Variants in COL7A1 observed in about 807,000 individuals in gnomAD.
COL7A1 encodes the protein collagen type VII alpha 1 chain.
In COL7A1, 296 loss-of-function variants were observed where a neutral mutation model predicts 456.2. The ratio of observed to expected loss-of-function variants is 0.65; its 90% CI spans 0.59 to 0.71. The LOEUF is 0.71. Among genes scored for constraint, COL7A1 ranks in the 30% least tolerant of loss-of-function variants. COL7A1 has a pLI of 0.00. For synonymous variants in COL7A1, 1,464 were observed against 1,525.9 expected, an observed-to-expected ratio of 0.96 and a Z score of 0.95; for missense variants, 3,441 against 4,017.2, an observed-to-expected ratio of 0.86 and a Z score of 3.88.
rs780853281 is a variant in COL7A1, at chr3:48,586,128, G to C, written c.3669C>G (p.Asp1223Glu). Residue 1223 changes from aspartate (D) to glutamate (E), a missense_variant, in exon 28 of 119, where the codon GAC becomes GAG. By Grantham distance (45) the Asp-to-Glu change is conservative. This residue lies in a region of COL7A1 where 2,084 missense variants were observed against 2,501.3 expected (regional missense o/e 0.83). Transcript: ENST00000681320. This position sits in a 1 kb window ranked among gnomAD's most constrained non-coding sequence, Gnocchi z 5.1. ...FFAVDDGPSL[D>E]QAVSGLATAL... is the part of the protein sequence containing the mutation. The stretch of plus-strand genomic sequence containing the variant: ...CTGTGGCCAGACCACTGACTGCCTG[G>C]TCCAGGCTTGGCCCATCATCCACGG... The C allele has an allele frequency of 6.2e-7, 1 of 1,613,508 alleles. No homozygotes were observed. Among genetic ancestry groups the C allele is most frequent in the East Asian group, 2.2e-5 (1 of 44,880 alleles).
Position 48,573,638 on chromosome 3 carries a change from C to G in COL7A1, c.6573+52G>C. The G allele has an allele frequency of 1.2e-6, 2 of 1,612,992 alleles. No homozygotes were observed. Among genetic ancestry groups the G allele is most frequent in the Non-Finnish European group, 1.7e-6 (2 of 1,179,460 alleles). On this transcript the variant is annotated intron_variant, in intron 82 of 118. Coordinates refer to ENST00000681320, the MANE Select transcript of COL7A1 (RefSeq NM_000094.4). The surrounding 1 kb of genome is among the most constrained non-coding windows in gnomAD (Gnocchi z 5.5). ...CCTGGCTCATCAGCTGTGGCCAATG[C>G]CTATCCCAGCCCTTCCAGACCCTCA...
chr3:48,564,970 G>A lies in COL7A1; in HGVS notation c.8631C>T (p.Ser2877=). 1 of 1,614,168 alleles carries A rather than the reference G, an allele frequency of 6.2e-7. No individual in the cohort carries two copies. The highest frequency in any genetic ancestry group is 8.5e-7 in the Non-Finnish European group (1 of 1,180,014). ...TGCAGGAGCCCTCATCCAGTGGCAG[G>A]GAACAGGGGTCTGGGCCAATGGGGT... The part of the protein sequence containing the change: ...EAPWDSDDPC[S]LPLDEGSCTA... Residue 2877 remains serine (S), a synonymous_variant, in exon 118 of 119, where the codon TCC becomes TCT. Coordinates refer to ENST00000681320, the MANE Select transcript of COL7A1 (RefSeq NM_000094.4). The surrounding 1 kb of genome is among the most constrained non-coding windows in gnomAD (Gnocchi z 6.0).
chr3:48,564,191 A>G lies in COL7A1; in HGVS notation c.*215T>C, dbSNP rs939360927. On this transcript the variant is annotated 3_prime_UTR_variant, in exon 119 of 119. Coordinates refer to ENST00000681320, the MANE Select transcript of COL7A1 (RefSeq NM_000094.4). This position sits in a 1 kb window ranked among gnomAD's most constrained non-coding sequence, Gnocchi z 6.0. ...GCTCACTGCCCACAGCCACCCCCCCACAGTGAGTCATCTGCCAGGGTGGCA... is the reference window on the plus strand; with the variant it reads ...GCTCACTGCCCACAGCCACCCCCCCGCAGTGAGTCATCTGCCAGGGTGGCA... The G allele has an allele frequency of 3.3e-5, 21 of 645,386 alleles. No individual in the cohort carries two copies. The highest frequency in any genetic ancestry group is 1.1e-4 in the Admixed American group (5 of 46,206). 40.0% of individuals were successfully genotyped at this position (645,386 alleles called of 1,614,324 possible).
In COL7A1 at chr3:48,581,221, C is replaced by A; in HGVS notation, c.4899+39G>T. ...CCATGATGCTGGCAACAGCCCTACT[C>A]CCTTACCCGCCATGACTCCCCCGAC... On this transcript the variant is annotated intron_variant, in intron 52 of 118. Coordinates refer to ENST00000681320, the MANE Select transcript of COL7A1 (RefSeq NM_000094.4). The surrounding 1 kb of genome is among the most constrained non-coding windows in gnomAD (Gnocchi z 5.8). The A allele has an allele frequency of 6.2e-7, 1 of 1,607,280 alleles. No homozygotes were observed. Among genetic ancestry groups the A allele is most frequent in the East Asian group, 2.2e-5 (1 of 44,714 alleles).
rs377013976 is a variant in COL7A1 at position 48,571,018 on chromosome 3, C to T, written c.7165-50G>A. 1 of 1,612,012 alleles carries T rather than the reference C, an allele frequency of 6.2e-7. No individual in the cohort carries two copies. Among genetic ancestry groups the T allele is most frequent in the Non-Finnish European group, 8.5e-7 (1 of 1,178,480 alleles). ...GGAATGGTCAATGCAGGACCCCTCC[C>T]AGGACTCTCATCAGAACTCCCTCTT... On this transcript the variant is annotated intron_variant, in intron 94 of 118. Transcript: ENST00000681320. The surrounding 1 kb of genome is among the most constrained non-coding windows in gnomAD (Gnocchi z 4.6).
rs2043506903 is a variant in COL7A1 at position 48,564,222 on chromosome 3, C to G, written c.*184G>C. 4.1e-6 allele frequency: 3 copies of G among 732,268 alleles called. No individual in the cohort carries two copies. The Admixed American group carries it at 6.3e-5, about 15-fold the overall frequency. The allele number at this position is 732,268 out of a possible 1,614,324, so 45.4% of individuals were successfully genotyped here. ...AGTCATCTGCCAGGGTGGCAGGAGC[C>G]ACAATGGGGGTTTGTCCACAGGGGG... On this transcript the variant is annotated 3_prime_UTR_variant, in exon 119 of 119. Transcript: ENST00000681320. This position sits in a 1 kb window ranked among gnomAD's most constrained non-coding sequence, Gnocchi z 6.0.
chr3:48,594,113 A>G lies in COL7A1; in HGVS notation c.266+255T>C, dbSNP rs1265663763. On this transcript the variant is annotated intron_variant, in intron 3 of 118. Coordinates refer to ENST00000681320, the MANE Select transcript of COL7A1 (RefSeq NM_000094.4). The surrounding 1 kb of genome is among the most constrained non-coding windows in gnomAD (Gnocchi z 5.5). ...GCCCCCTCCTGGGCTCCCCATCTCC[A>G]GATCAGAAAACACAGCCTCACTGTC... Among the ~76,000 whole-genome samples the G allele has an allele frequency of 6.6e-6, 1 of 152,232 alleles. No individual in the cohort carries two copies. The highest frequency in any genetic ancestry group is 1.5e-5 in the Non-Finnish European group (1 of 68,026).
rs762650045 is a variant in COL7A1 at position 48,571,143 on chromosome 3, C to T, written c.7122G>A (p.Gly2374=). 13 of 1,614,060 alleles carry T rather than the reference C, an allele frequency of 8.1e-6. No individual in the cohort carries two copies. The highest frequency in any genetic ancestry group is 9.3e-6 in the Non-Finnish European group (11 of 1,180,030). The change falls in exon 94 of 119, where the codon GGG becomes GGA. Residue 2374 remains glycine, a synonymous_variant. Transcript: ENST00000681320. This position sits in a 1 kb window ranked among gnomAD's most constrained non-coding sequence, Gnocchi z 4.6. ...CAGGAGGCCCAGGGGAGCCCGGGACCCCGACTCCTGGGTCACCCTTTGAGG... is the reference window on the plus strand; with the variant it reads ...CAGGAGGCCCAGGGGAGCCCGGGACTCCGACTCCTGGGTCACCCTTTGAGG... The part of the protein sequence containing the change: ...PKGFKGDPGV[G]VPGSPGPPGP...
chr3:48,572,106 C>A lies in COL7A1; in HGVS notation c.7023+21G>T. 1 of 1,613,940 alleles carries A rather than the reference C, an allele frequency of 6.2e-7. No homozygotes were observed. The highest frequency in any genetic ancestry group is 2.2e-5 in the East Asian group (1 of 44,868). ...AGCCTTCTCTGCTCAGTAGTCAGGC[C>A]CCAGGGCCAACCCACCTCACCTTCT... On this transcript the variant is annotated intron_variant, in intron 91 of 118. Coordinates refer to ENST00000681320, the MANE Select transcript of COL7A1 (RefSeq NM_000094.4). The surrounding 1 kb of genome is among the most constrained non-coding windows in gnomAD (Gnocchi z 4.6).
Position 48,591,662 on chromosome 3 carries a change from A to G in COL7A1, c.1507+11T>C. 1.2e-6 allele frequency: 2 copies of G among 1,613,948 alleles called. No individual in the cohort carries two copies. The highest frequency in any genetic ancestry group is 1.7e-6 in the Non-Finnish European group (2 of 1,180,000). ...TCCCCCACTCACTGGCCCAGCCCAC[A>G]GAGCCCTCACCAGTGGGAACCACGG... On this transcript the variant is annotated intron_variant, in intron 12 of 118. Coordinates refer to ENST00000681320, the MANE Select transcript of COL7A1 (RefSeq NM_000094.4). The surrounding 1 kb of genome is among the most constrained non-coding windows in gnomAD (Gnocchi z 7.0).
chr3:48,567,834 G>A lies in COL7A1; in HGVS notation c.7929+4C>T. On this transcript the variant is annotated splice_donor_region_variant and intron_variant, in intron 107 of 118. Coordinates refer to ENST00000681320, the MANE Select transcript of COL7A1 (RefSeq NM_000094.4). The surrounding 1 kb of genome is among the most constrained non-coding windows in gnomAD (Gnocchi z 4.3). ...TAGCCCCCCAGCCCCCATCCCCTCT[G>A]TACCTTGTCTCCCTTCTCTCCATCA... 1.2e-6 allele frequency: 2 copies of A among 1,613,850 alleles called. No individual in the cohort carries two copies. Among genetic ancestry groups the A allele is most frequent in the Non-Finnish European group, 1.7e-6 (2 of 1,179,984 alleles).
rs1189017197 is a variant in COL7A1 at position 48,585,972 on chromosome 3, G to A, written c.3727C>T (p.Arg1243Trp). 14 of 1,613,832 alleles carry A rather than the reference G, an allele frequency of 8.7e-6. No homozygotes were observed. Among genetic ancestry groups the A allele is most frequent in the South Asian group, 5.5e-5 (5 of 91,092 alleles). Reference sequence around the variant, plus strand: ...CAATACACTGGGCAGGGCTCTGGCCGGGGCTGCGGACATAGGGTCTCTTTG... The same window carrying A: ...CAATACACTGGGCAGGGCTCTGGCCAGGGCTGCGGACATAGGGTCTCTTTG... ...LCQASFTTQPRPEPCPVYCPK... is the reference protein window; with the variant it reads ...LCQASFTTQPWPEPCPVYCPK... Residue 1243 changes from arginine (R) to tryptophan (W), a missense_variant, in exon 29 of 119, where the codon CGG (arginine) becomes TGG (tryptophan). Physicochemically the swap from Arg to Trp is moderately radical, Grantham distance 101. This residue lies in a region of COL7A1 where 2,084 missense variants were observed against 2,501.3 expected (regional missense o/e 0.83). Coordinates refer to ENST00000681320, the MANE Select transcript of COL7A1 (RefSeq NM_000094.4). The surrounding 1 kb of genome is among the most constrained non-coding windows in gnomAD (Gnocchi z 4.5).
Position 48,569,513 on chromosome 3 carries a change from C to T in COL7A1, c.7615-67G>A, listed in dbSNP as rs2043777847. Reference sequence around the variant, plus strand: ...GTCCCTCACCCTCTGGGAGTTTGAGCTCTCAGATGCCCTGGGCCAGCCCCA... The same window carrying T: ...GTCCCTCACCCTCTGGGAGTTTGAGTTCTCAGATGCCCTGGGCCAGCCCCA... On this transcript the variant is annotated intron_variant, in intron 102 of 118. Transcript: ENST00000681320. This position sits in a 1 kb window ranked among gnomAD's most constrained non-coding sequence, Gnocchi z 4.9. 6.2e-7 allele frequency: 1 copy of T among 1,613,566 alleles called. No individual in the cohort carries two copies. The highest frequency in any genetic ancestry group is 1.3e-5 in the African/African-American group (1 of 75,024).
Position 48,575,599 on chromosome 3 carries a change from A to G in COL7A1, c.5979+27T>C, listed in dbSNP as rs746543654. 6.2e-7 allele frequency: 1 copy of G among 1,612,834 alleles called. No homozygotes were observed. Among genetic ancestry groups the G allele is most frequent in the Non-Finnish European group, 8.5e-7 (1 of 1,179,994 alleles). On this transcript the variant is annotated intron_variant, in intron 73 of 118. Coordinates refer to ENST00000681320, the MANE Select transcript of COL7A1 (RefSeq NM_000094.4). The surrounding 1 kb of genome is among the most constrained non-coding windows in gnomAD (Gnocchi z 6.3). ...ACAGCTACACCCCACTCCACGGGGC[A>G]CAACCCACTGAGCCACTTCTGCTCA...
chr3:48,565,123 G>C lies in COL7A1; in HGVS notation c.8606C>G (p.Pro2869Arg). 6.2e-7 allele frequency: 1 copy of C among 1,614,034 alleles called. No homozygotes were observed. The highest frequency in any genetic ancestry group is 2.2e-5 in the East Asian group (1 of 44,862). Reference sequence around the variant, plus strand: ...CCCATTCTCACCATCACTATCCCAAGGAGCTTCAGGGTCCTGGTACTCCTC... The same window carrying C: ...CCCATTCTCACCATCACTATCCCAACGAGCTTCAGGGTCCTGGTACTCCTC... Reference protein sequence around the residue: ...SVEEYQDPEAPWDSDDPCSLP... With the variant: ...SVEEYQDPEARWDSDDPCSLP... Residue 2869 changes from proline (P) to arginine (R), a missense_variant, in exon 117 of 119, where the codon CCT becomes CGT. By Grantham distance (103) the Pro-to-Arg change is moderately radical. Around this residue, in one of 3 missense-constraint regions of COL7A1, gnomAD observed 2,084 missense variants for 2,501.3 expected, o/e 0.83. Transcript: ENST00000681320. The surrounding 1 kb of genome is among the most constrained non-coding windows in gnomAD (Gnocchi z 4.5).
Position 48,571,085 on chromosome 3 carries a change from TG to T in COL7A1, c.7164+15del, listed in dbSNP as rs1200847170. 6.2e-7 allele frequency: 1 copy of T among 1,613,370 alleles called. No individual in the cohort carries two copies. Among genetic ancestry groups the T allele is most frequent in the African/African-American group, 1.3e-5 (1 of 74,952 alleles). ...GGCCTGCTGCCCCTACAACTGGTGA[TG>T]GGGCATTGACTTACCTTCACACCTG... On this transcript the variant is annotated intron_variant, in intron 94 of 118. Transcript: ENST00000681320. This position sits in a 1 kb window ranked among gnomAD's most constrained non-coding sequence, Gnocchi z 4.6.
rs777404782 is a variant in COL7A1, at chr3:48,567,567, C to G, written c.8046+7G>C. 6.2e-7 allele frequency: 1 copy of G among 1,614,058 alleles called. No homozygotes were observed. The highest frequency in any genetic ancestry group is 8.5e-7 in the Non-Finnish European group (1 of 1,180,026). On this transcript the variant is annotated splice_region_variant and intron_variant, in intron 109 of 118. Transcript: ENST00000681320. The surrounding 1 kb of genome is among the most constrained non-coding windows in gnomAD (Gnocchi z 4.3). The stretch of plus-strand genomic sequence containing the variant: ...CCTGTCATGTCCACTGTCCACAGAC[C>G]CTGTACCTTGGGACCGATCAGGCCC...
chr3:48,571,250 C>A lies in COL7A1; in HGVS notation c.7097G>T (p.Gly2366Val). 1.2e-6 allele frequency: 2 copies of A among 1,614,182 alleles called. No homozygotes were observed. The highest frequency in any genetic ancestry group is 1.7e-6 in the Non-Finnish European group (2 of 1,180,042). ...CCTTCTGGGTACACATACCTTGAAACCTTTGGGTCCTGGAGCCCCTTTCTG... is the reference window on the plus strand; with the variant it reads ...CCTTCTGGGTACACATACCTTGAAAACTTTGGGTCCTGGAGCCCCTTTCTG... ...DGQKGAPGPKGFKGDPGVGVP... is the reference protein window; with the variant it reads ...DGQKGAPGPKVFKGDPGVGVP... Residue 2366 changes from glycine to valine, a missense_variant, in exon 93 of 119, where the codon GGT becomes GTT. Transcript: ENST00000681320. The surrounding 1 kb of genome is among the most constrained non-coding windows in gnomAD (Gnocchi z 4.6).
intron 65 of COL7A1, 39 bp from the exon 66 acceptor site, chr3:48,577,066 G>A: frequency 6.2e-7 from 1 of 1,613,194 alleles, no homozygotes. Flanking sequence ...AACATTCACT[G>A]GTGTCTGGCT....
Sources: allele counts gnomAD v4.1 joint callset (sites outside exome capture counted in the v4.1 genomes callset), GRCh38; gene constraint gnomAD v4.1.1; regional missense constraint gnomAD v4.1.1; non-coding constraint Gnocchi (gnomAD v3.1); transcripts MANE v1.5; gene names NCBI Gene and HGNC (gene_info 2026-07-23, HGNC 2026-07-21).